The following CD2AP variants were observed in gnomAD, a reference collection of about 807,000 sequenced individuals.
CD2AP encodes CD2-associated protein.
CD2AP carries 46 observed loss-of-function variants against 85.1 expected under a neutral mutation model. That is an observed-to-expected ratio of 0.54 (90% CI 0.43 to 0.69). The LOEUF (loss-of-function observed/expected upper bound fraction) is 0.69, where lower values mean the gene tolerates loss of function less well. Among genes scored for constraint, CD2AP ranks in the 30% least tolerant of loss-of-function variants. The pLI is 0.00. For missense variants in CD2AP, 769 were observed against 729.5 expected (o/e 1.05, Z -0.62); for synonymous variants, 255 against 252.9 (o/e 1.01, Z -0.08).
chr6:47,561,931 G>A (rs552471520), intron 5 of CD2AP, among the ~76,000 whole-genome samples: 1 of 152,170 alleles, frequency 6.6e-6, no homozygotes, highest in South Asian at 2.1e-4. Context: ...ACCACACCCA[G>A]CTAATTTTTT....
chr6:47,550,300 A>G (rs182247058), intron 4 of CD2AP, among the ~76,000 whole-genome samples: 29 of 152,328 alleles, frequency 1.9e-4, no homozygotes, highest in African/African-American at 6.0e-4. Flanking sequence ...TTCACAATCT[A>G]TACATCTGAC....
intron 11 of CD2AP, among the ~76,000 whole-genome samples, chr6:47,582,790 G>GTTTTTTTTTTT (rs1554181771): frequency 1.2e-5 from 1 of 86,792 alleles, no homozygotes. Context: ...GTTTTTTTTT[G>GTTTTTTTTTTT]TTTTGTTTTT....
chr6:47,620,686 G>T (rs1304252224), intron 17 of CD2AP, among the ~76,000 whole-genome samples: 1 of 152,126 alleles, frequency 6.6e-6, no homozygotes, highest in East Asian at 1.9e-4. Flanking sequence ...ACGAGCGTGG[G>T]ATGTGTTTTC....
chr6:47,614,963 C>A (rs1272684704), intron 17 of CD2AP, among the ~76,000 whole-genome samples: 2 of 152,138 alleles, frequency 1.3e-5, no homozygotes, highest in Non-Finnish European at 2.9e-5. Flanking sequence ...CTTTCTTTTT[C>A]TCCTTCACTA....
At chr6:47,512,165 A>T (rs1271032271) in intron 2 of CD2AP, among the ~76,000 whole-genome samples, 2 of 151,620 alleles carry the variant, frequency 1.3e-5, no homozygotes, top group East Asian at 1.9e-4. Flanking sequence ...CTGAAAAAAA[A>T]AATATATATA....
At chr6:47,538,923 T>C (rs780015226) in intron 3 of CD2AP, among the ~76,000 whole-genome samples, 32 of 152,238 alleles carry the variant, frequency 2.1e-4, no homozygotes, top group Non-Finnish European at 2.9e-5. Flanking sequence ...GTCTGAAATT[T>C]CACACAATTT....
At chr6:47,582,236 A>G (rs1768500216) in intron 11 of CD2AP, 171 bp downstream of exon 11, 1 of 576,190 alleles carries the variant, frequency 1.7e-6, no homozygotes, top group Non-Finnish European at 3.2e-6. Flanking sequence ...TCAAACAGAT[A>G]ACAATTTACA....
intron 1 of CD2AP, among the ~76,000 whole-genome samples, chr6:47,484,919 G>C (rs1765529301): frequency 6.6e-6 from 1 of 152,032 alleles, no homozygotes; most frequent in Non-Finnish European, 1.5e-5. Flanking sequence ...ATAGGGTGGT[G>C]GTCCCCTAAG....
intron 5 of CD2AP, among the ~76,000 whole-genome samples, chr6:47,563,480 T>C (rs1217898068): frequency 1.3e-5 from 2 of 152,202 alleles, no homozygotes; most frequent in Non-Finnish European, 2.9e-5. Context: ...CTGTCCAAAA[T>C]TGACATGTCA....
rs76026399 is a variant in CD2AP at position 47,564,056 on chromosome 6, T to A, written c.541+9290T>A. On this transcript the variant is annotated intron_variant, in intron 5 of 17. Transcript: ENST00000359314. The stretch of plus-strand genomic sequence containing the variant: ...AGGAATCATACCAACTAGATGTACT[T>A]TCACTATTTTATGTTACATTTATTT... 7.9e-3 allele frequency among the ~76,000 whole-genome samples: 1,210 copies of A among 152,276 alleles called. 8 individuals are homozygous for A. The highest frequency in any genetic ancestry group is 0.013 in the Non-Finnish European group (887 of 67,982).
At chr6:47,604,980 C>G (rs567922024) in intron 13 of CD2AP, among the ~76,000 whole-genome samples, 20 of 151,984 alleles carry the variant, frequency 1.3e-4, no homozygotes, top group African/African-American at 4.6e-4. Flanking sequence ...TCTGCCTTAC[C>G]TTTGTGTCCT....
chr6:47,532,551 AT>A (rs951088283), intron 2 of CD2AP, among the ~76,000 whole-genome samples: 18 of 151,010 alleles, frequency 1.2e-4, no homozygotes, highest in Non-Finnish European at 2.2e-4. Flanking sequence ...ATCTTTCCTC[AT>A]TTTTTTCTGT....
intron 2 of CD2AP, among the ~76,000 whole-genome samples, chr6:47,517,170 C>G (rs577364777): frequency 1.3e-5 from 2 of 152,164 alleles, no homozygotes; most frequent in Non-Finnish European, 2.9e-5. Flanking sequence ...CTATGTGATG[C>G]GCCTGCTCCC....
intron 17 of CD2AP, among the ~76,000 whole-genome samples, chr6:47,613,997 C>T (rs921678826): frequency 6.6e-6 from 1 of 152,204 alleles, no homozygotes; most frequent in African/African-American, 2.4e-5. Context: ...TCTGCTGCTT[C>T]GTCACCTCTG....
chr6:47,510,443 A>G (rs920956272), intron 2 of CD2AP, among the ~76,000 whole-genome samples: 4 of 152,156 alleles, frequency 2.6e-5, no homozygotes, highest in Admixed American at 6.5e-5. Flanking sequence ...AAGATACAAG[A>G]TAAGCCTGGA....
intron 12 of CD2AP, 106 bp downstream of exon 12, chr6:47,596,132 GTTATAT>G (rs957353104): frequency 4.2e-5 from 34 of 819,164 alleles, no homozygotes; most frequent in Non-Finnish European, 6.4e-5. Flanking sequence ...TTATTTTTCA[GTTATAT>G]TTATTTTTAA....
chr6:47,556,933 T>C (rs926583578), intron 5 of CD2AP, among the ~76,000 whole-genome samples: 2 of 152,168 alleles, frequency 1.3e-5, no homozygotes, highest in African/African-American at 4.8e-5. Context: ...TAATTTACAC[T>C]CCCGTGAACA....
chr6:47,610,971 A>ATATATATATATATATATTTTTT, intron 16 of CD2AP, among the ~76,000 whole-genome samples: 11 of 112,904 alleles, frequency 9.7e-5, no homozygotes, highest in African/African-American at 3.2e-4. Context: ...ATATATATGT[A>ATATATATATATATATATTTTTT]TTTTTTTTTT....
intron 17 of CD2AP, among the ~76,000 whole-genome samples, chr6:47,614,408 T>G (rs115295688): frequency 0.011 from 1,647 of 152,292 alleles, 27 homozygotes; most frequent in African/African-American, 0.037. Flanking sequence ...GCGTGTTCTA[T>G]CTCAGATAAT....
Sources: gnomAD v4.1 joint callset for allele counts (sites outside exome capture counted in the v4.1 genomes callset) on GRCh38, gnomAD v4.1.1 for gene constraint, MANE v1.5 for transcripts, NCBI Gene and HGNC (gene_info 2026-07-23, HGNC 2026-07-21) for gene names.